The following ADAMTS3 variants were observed in gnomAD, a reference collection of about 807,000 sequenced individuals.
ADAMTS3 encodes the protein A disintegrin and metalloproteinase with thrombospondin motifs 3.
In ADAMTS3, 73 loss-of-function variants were observed where a neutral mutation model predicts 129.0. The observed-to-expected ratio is 0.57, with a 90% confidence interval of 0.47 to 0.69. The LOEUF is 0.69. Ranked by LOEUF, ADAMTS3 falls within the 30% of genes least tolerant of loss-of-function variation. The pLI is 0.00. For synonymous variants in ADAMTS3, 477 were observed against 510.8 expected (o/e 0.93, Z 0.89); for missense variants, 1,457 against 1,514.5 (o/e 0.96, Z 0.63).
At chr4:72,491,988 G>A (rs549876740) in intron 3 of ADAMTS3, among the ~76,000 whole-genome samples, 3 of 151,632 alleles carry the variant, frequency 2.0e-5, no homozygotes, top group East Asian at 3.9e-4. Flanking sequence ...CACAATTTTG[G>A]TAGTTTGAAA....
intron 3 of ADAMTS3, among the ~76,000 whole-genome samples, chr4:72,462,738 A>G (rs1476014715): frequency 1.3e-5 from 2 of 152,002 alleles, no homozygotes; most frequent in African/African-American, 4.8e-5. Flanking sequence ...AATAGAAAAT[A>G]TAGAATAGAA....
At chr4:72,436,165 TCAAA>T (rs922392239) in intron 3 of ADAMTS3, among the ~76,000 whole-genome samples, 303 of 17,592 alleles carry the variant, frequency 0.017, 3 homozygotes, top group African/African-American at 0.051. Context: ...AAGAAAAAAA[TCAAA>T]CAACCGCATC....
intron 21 of ADAMTS3, among the ~76,000 whole-genome samples, chr4:72,284,742 C>T (rs1718456554): frequency 6.6e-6 from 1 of 152,144 alleles, no homozygotes; most frequent in Non-Finnish European, 1.5e-5. Context: ...TTCTAAAACA[C>T]TTCATACTGC....
intron 3 of ADAMTS3, among the ~76,000 whole-genome samples, chr4:72,535,492 A>C (rs757372409): frequency 7.2e-5 from 11 of 152,220 alleles, no homozygotes; most frequent in Non-Finnish European, 1.5e-4. Flanking sequence ...TTTTAGAGAC[A>C]TCACCAGACA....
intron 10 of ADAMTS3, among the ~76,000 whole-genome samples, chr4:72,317,287 A>C (rs965036245): frequency 6.6e-6 from 1 of 152,144 alleles, no homozygotes; most frequent in African/African-American, 2.4e-5. Flanking sequence ...AAAGCTTTAG[A>C]ATTCTCTGAT....
chr4:72,334,074 C>A (rs1476578690), intron 5 of ADAMTS3, among the ~76,000 whole-genome samples: 1 of 151,736 alleles, frequency 6.6e-6, no homozygotes, highest in Non-Finnish European at 1.5e-5. Flanking sequence ...AGGATGGTCT[C>A]AATTTCATGA....
At chr4:72,467,272 GC>G (rs1718947093) in intron 3 of ADAMTS3, among the ~76,000 whole-genome samples, 1 of 152,054 alleles carries the variant, frequency 6.6e-6, no homozygotes, top group South Asian at 2.1e-4. Context: ...TACTTAGGTA[GC>G]CCCAAAATCT....
At chr4:72,559,732 T>G (rs1238563182) in intron 2 of ADAMTS3, among the ~76,000 whole-genome samples, 2 of 151,938 alleles carry the variant, frequency 1.3e-5, no homozygotes, top group Non-Finnish European at 2.9e-5. Flanking sequence ...TTATGAATGC[T>G]ATGAAGTAAA....
intron 4 of ADAMTS3, among the ~76,000 whole-genome samples, chr4:72,397,033 C>T (rs1463323191): frequency 6.6e-6 from 1 of 152,108 alleles, no homozygotes. Flanking sequence ...TTCATGCCCT[C>T]ATCACCTCTC....
chr4:72,373,042 A>G (rs1028608782), intron 4 of ADAMTS3, among the ~76,000 whole-genome samples: 1 of 152,216 alleles, frequency 6.6e-6, no homozygotes, highest in Non-Finnish European at 1.5e-5. Flanking sequence ...TTATAGATTT[A>G]GCATAATCCC....
intron 4 of ADAMTS3, among the ~76,000 whole-genome samples, chr4:72,401,252 G>C (rs903155937): frequency 6.6e-6 from 1 of 151,668 alleles, no homozygotes; most frequent in African/African-American, 2.4e-5. Context: ...CCAGGGTTGA[G>C]CAGTAAATGA....
At chr4:72,363,965 A>G (rs1396850159) in intron 4 of ADAMTS3, among the ~76,000 whole-genome samples, 1 of 152,180 alleles carries the variant, frequency 6.6e-6, no homozygotes, top group African/African-American at 2.4e-5. Context: ...AGAATAAAAC[A>G]AATGTCTCAA....
chr4:72,306,171 G>A (rs1015738855), intron 15 of ADAMTS3, 104 bp from the exon 16 acceptor site: 3 of 714,396 alleles, frequency 4.2e-6, no homozygotes, highest in Non-Finnish European at 6.6e-6. Flanking sequence ...TGCAGAAGAG[G>A]GCATCCATAA....
At chr4:72,455,512 T>C (rs1317196079) in intron 3 of ADAMTS3, among the ~76,000 whole-genome samples, 2 of 150,346 alleles carry the variant, frequency 1.3e-5, no homozygotes, top group Non-Finnish European at 3.0e-5. Flanking sequence ...TTAGGAGAAA[T>C]ACCTAATGTA....
In ADAMTS3 at chr4:72,295,654, A is replaced by G. The variant is rs1718785915; in HGVS notation, c.2723T>C (p.Leu908Pro). The change falls in exon 19 of 22, where the codon CTC (leucine) becomes CCC (proline). Residue 908 changes from leucine to proline, a missense_variant and splice_region_variant. Transcript: ENST00000286657. ...TATGATAGTTAAAATAGATGCTTAC[A>G]GTGGATGTGTACACTCTTGAATATT... The part of the protein sequence containing the change: ...MCNIQECTHP[L>P]WVAEEWEHCT... 6.2e-7 allele frequency: 1 copy of G among 1,608,800 alleles called. No individual in the cohort carries two copies. The highest frequency in any genetic ancestry group is 8.5e-7 in the Non-Finnish European group (1 of 1,177,128).
chr4:72,545,619 T>C (rs1238159148), intron 3 of ADAMTS3, among the ~76,000 whole-genome samples: 3 of 152,026 alleles, frequency 2.0e-5, no homozygotes, highest in Non-Finnish European at 2.9e-5. Context: ...AGGTGAAACA[T>C]TGCTTCGGTC....
chr4:72,487,760 T>C (rs931261044), intron 3 of ADAMTS3, among the ~76,000 whole-genome samples: 2 of 152,062 alleles, frequency 1.3e-5, no homozygotes, highest in East Asian at 1.9e-4. Flanking sequence ...GAACCTGGTA[T>C]ATACAATTAA....
At chr4:72,401,497 G>C (rs766363296) in intron 4 of ADAMTS3, among the ~76,000 whole-genome samples, 1 of 148,474 alleles carries the variant, frequency 6.7e-6, no homozygotes, top group East Asian at 2.0e-4. Context: ...AACTGGGGGG[G>C]TGGAGGTTGC....
At chr4:72,469,777 T>C (rs1424924126) in intron 3 of ADAMTS3, among the ~76,000 whole-genome samples, 2 of 152,170 alleles carry the variant, frequency 1.3e-5, no homozygotes, top group African/African-American at 2.4e-5. Context: ...TTGATGATGA[T>C]CCACTCCCAC....
Sources: gnomAD v4.1 joint callset for allele counts (sites outside exome capture counted in the v4.1 genomes callset) on GRCh38, gnomAD v4.1.1 for gene constraint, MANE v1.5 for transcripts, NCBI Gene and HGNC (gene_info 2026-07-23, HGNC 2026-07-21) for gene names.